Variants in CADPS observed in about 807,000 individuals in gnomAD.
CADPS encodes the protein calcium dependent secretion activator, also known as calcium-dependent secretion activator 1.
Under a neutral mutation model 167.3 loss-of-function variants are expected in CADPS, and 57 were observed. The ratio of observed to expected loss-of-function variants is 0.34; its 90% CI spans 0.28 to 0.42. CADPS has a LOEUF of 0.42. CADPS is among the 20% of genes least tolerant of loss of function. CADPS has a pLI of 1.00. For synonymous variants in CADPS, 676 were observed against 635.3 expected (o/e 1.06, Z -0.96); for missense variants, 1,414 against 1,738.1 (o/e 0.81, Z 3.32).
intron 3 of CADPS, among the ~76,000 whole-genome samples, chr3:62,683,291 C>A (rs1297915726): frequency 6.6e-6 from 1 of 151,946 alleles, no homozygotes; most frequent in African/African-American, 2.4e-5. Flanking sequence ...CTGGCTCACA[C>A]AGAGGATGGA....
At chr3:62,418,893 T>G (rs1212158080) in intron 28 of CADPS, among the ~76,000 whole-genome samples, 1 of 152,060 alleles carries the variant, frequency 6.6e-6, no homozygotes, top group Non-Finnish European at 1.5e-5. Context: ...CTGCGGAATG[T>G]CTAAGAAATT....
chr3:62,435,348 A>G (rs1453091691), intron 28 of CADPS, among the ~76,000 whole-genome samples: 1 of 152,226 alleles, frequency 6.6e-6, no homozygotes, highest in African/African-American at 2.4e-5. Flanking sequence ...ACACAAAGAA[A>G]TAAACACCAT....
rs1451800797 is a variant in CADPS, at chr3:62,866,641, G to C, written c.441+7948C>G. Among the ~76,000 whole-genome samples the C allele has an allele frequency of 2.6e-5, 4 of 152,162 alleles. No individual in the cohort carries two copies. In the East Asian group the frequency reaches 7.7e-4, roughly 29 times the overall value. On this transcript the variant is annotated intron_variant, in intron 1 of 29. Coordinates refer to ENST00000383710, the MANE Select transcript of CADPS (RefSeq NM_003716.4). ...GATGAACAAGAGTGAATCGCATGAA[G>C]AAAGGTGAGGACGACATTTTGCAAT...
chr3:62,650,698 TGC>T, intron 5 of CADPS, 147 bp downstream of exon 5: 1 of 602,790 alleles, frequency 1.7e-6, no homozygotes, highest in East Asian at 2.8e-5. Flanking sequence ...GGGAATCACT[TGC>T]TGATTAGCTG....
At chr3:62,828,697 C>T (rs1240136479) in intron 1 of CADPS, among the ~76,000 whole-genome samples, 3 of 152,038 alleles carry the variant, frequency 2.0e-5, no homozygotes, top group Non-Finnish European at 4.4e-5. Context: ...TTTAAATATG[C>T]TTTTAATAAC....
At chr3:62,400,089 T>C (rs1705350525) in intron 29 of CADPS, among the ~76,000 whole-genome samples, 1 of 152,240 alleles carries the variant, frequency 6.6e-6, no homozygotes, top group Admixed American at 6.5e-5. Context: ...GACATATGTA[T>C]GTTGGTATAT....
intron 13 of CADPS, among the ~76,000 whole-genome samples, chr3:62,528,969 G>A (rs2073008347): frequency 6.6e-6 from 1 of 152,060 alleles, no homozygotes. Context: ...GACCAGCCTG[G>A]CCAACATGGT....
At chr3:62,662,473 C>A (rs1354782) in intron 3 of CADPS, 79 bp from the exon 4 acceptor site, 3 of 1,166,178 alleles carry the variant, frequency 2.6e-6, no homozygotes, top group Non-Finnish European at 3.9e-6. Context: ...ATTTTATACC[C>A]CCTTGCACTG....
intron 6 of CADPS, among the ~76,000 whole-genome samples, chr3:62,620,306 G>A (rs1380829616): frequency 2.6e-5 from 4 of 152,108 alleles, no homozygotes; most frequent in Non-Finnish European, 5.9e-5. Context: ...AAGTGCTTTT[G>A]CTGCAGGATC....
rs76724521 is a variant in CADPS at position 62,856,314 on chromosome 3, A to T, written c.441+18275T>A. On this transcript the variant is annotated intron_variant, in intron 1 of 29. Coordinates refer to ENST00000383710, the MANE Select transcript of CADPS (RefSeq NM_003716.4). ...AAATGTATAGGCCATGTATGTTGAA[A>T]ACTACAAAAATAAATTGAGGCACAT... Among the ~76,000 whole-genome samples the T allele has an allele frequency of 7.9e-5, 12 of 152,256 alleles. No homozygotes were observed. In the East Asian group the frequency reaches 2.3e-3, roughly 29 times the overall value.
chr3:62,718,033 T>A (rs1463729687), intron 3 of CADPS, among the ~76,000 whole-genome samples: 2 of 61,432 alleles, frequency 3.3e-5, no homozygotes, highest in Admixed American at 4.5e-4. Context: ...CTTAGAGTAA[T>A]TTTTTTTTTC....
intron 3 of CADPS, among the ~76,000 whole-genome samples, chr3:62,675,428 A>T (rs547109761): frequency 6.6e-6 from 1 of 152,282 alleles, no homozygotes; most frequent in African/African-American, 2.4e-5. Flanking sequence ...TTCTACAACT[A>T]ATTTAAACTT....
chr3:62,418,390 TCTC>T (rs1482798483), intron 28 of CADPS, among the ~76,000 whole-genome samples: 1 of 144,488 alleles, frequency 6.9e-6, no homozygotes, highest in Non-Finnish European at 1.5e-5. Context: ...GCAGTGGCAA[TCTC>T]AGCTTAAAGC....
rs746738362 is a variant in CADPS at position 62,481,733 on chromosome 3, A to G, written c.3163T>C (p.Tyr1055His). Residue 1055 changes from tyrosine to histidine, a missense_variant, in exon 22 of 30, where the codon TAT becomes CAT. By Grantham distance (83) the Tyr-to-His change is moderately conservative. Transcript: ENST00000383710. ...GAACTGAATACACACTCCGCATCAT[A>G]TATAGCAGCCATCCATGACGGTGCC... The part of the protein sequence containing the change: ...FSAPSWMAAI[Y>H]DADNGSGTSE... 4 of 1,603,314 alleles carry G rather than the reference A, an allele frequency of 2.5e-6. No homozygotes were observed. The highest frequency in any genetic ancestry group is 3.4e-6 in the Non-Finnish European group (4 of 1,176,984).
chr3:62,460,249 A>T (rs1210744673), intron 26 of CADPS, among the ~76,000 whole-genome samples: 1 of 152,244 alleles, frequency 6.6e-6, no homozygotes, highest in African/African-American at 2.4e-5. Context: ...TCCGGCACAT[A>T]GTATGTGTTC....
chr3:62,670,560 A>G (rs1465487540), intron 3 of CADPS, among the ~76,000 whole-genome samples: 2 of 152,150 alleles, frequency 1.3e-5, no homozygotes, highest in Admixed American at 1.3e-4. Flanking sequence ...TTGCCAGCCA[A>G]TGAGAACCCT....
At position 62,499,277 on chromosome 3, in the gene CADPS, C is replaced by G; in HGVS notation, c.2600-9G>C. 1 of 1,584,402 alleles carries G rather than the reference C, an allele frequency of 6.3e-7. No homozygotes were observed. Among genetic ancestry groups the G allele is most frequent in the Non-Finnish European group, 8.7e-7 (1 of 1,153,106 alleles). ...TAACCGGCCTACATTTTCTGTAGTA[C>G]AAGAGTTTGTGTTAAAATTCAGCGA... On this transcript the variant is annotated splice_polypyrimidine_tract_variant and intron_variant, in intron 17 of 29. Coordinates refer to ENST00000383710, the MANE Select transcript of CADPS (RefSeq NM_003716.4).
At chr3:62,634,719 G>A (rs1006087719) in intron 6 of CADPS, among the ~76,000 whole-genome samples, 1 of 152,142 alleles carries the variant, frequency 6.6e-6, no homozygotes, top group Non-Finnish European at 1.5e-5. Context: ...TGAATAATAA[G>A]GCCAAAGCCA....
At chr3:62,522,165 G>C (rs544710111) in intron 13 of CADPS, among the ~76,000 whole-genome samples, 1 of 150,614 alleles carries the variant, frequency 6.6e-6, no homozygotes, top group South Asian at 2.1e-4. Flanking sequence ...ATTGAGACAG[G>C]GTCTCATTCA....
Sources: allele counts gnomAD v4.1 joint callset (sites outside exome capture counted in the v4.1 genomes callset), GRCh38; gene constraint gnomAD v4.1.1; transcripts MANE v1.5; gene names NCBI Gene and HGNC (gene_info 2026-07-23, HGNC 2026-07-21).